Variants in KCNQ3 observed in about 807,000 individuals in gnomAD.
KCNQ3 encodes potassium voltage-gated channel subfamily KQT member 3.
KCNQ3 carries 30 observed loss-of-function variants against 92.5 expected under a neutral mutation model. That is an observed-to-expected ratio of 0.32 (90% CI 0.24 to 0.44). The LOEUF is 0.44. Ranked by LOEUF, KCNQ3 falls within the 20% of genes least tolerant of loss-of-function variation. The pLI is 1.00. For missense variants in KCNQ3, 913 were observed against 1,140.3 expected, an observed-to-expected ratio of 0.80 and a Z score of 2.87; for synonymous variants, 450 against 468.8, an observed-to-expected ratio of 0.96 and a Z score of 0.52.
At chr8:132,436,909 C>A (rs560761710) in intron 1 of KCNQ3, among the ~76,000 whole-genome samples, 1 of 152,096 alleles carries the variant, frequency 6.6e-6, no homozygotes, top group Admixed American at 6.6e-5. Context: ...TGTCTCTTGT[C>A]TTTGGCCTGC....
intron 1 of KCNQ3, among the ~76,000 whole-genome samples, chr8:132,343,024 A>T (rs1400841471): frequency 6.6e-6 from 1 of 152,216 alleles, no homozygotes; most frequent in Non-Finnish European, 1.5e-5. Context: ...GCTTTCCTGC[A>T]AGCTGATGCC....
intron 1 of KCNQ3, among the ~76,000 whole-genome samples, chr8:132,390,340 C>CCTCCCA (rs1820018835): frequency 6.6e-6 from 1 of 152,160 alleles, no homozygotes; most frequent in African/African-American, 2.4e-5. Context: ...TAGAAAGGGA[C>CCTCCCA]AGTGCAGCAC....
At chr8:132,156,945 T>C (rs1207167235) in intron 9 of KCNQ3, among the ~76,000 whole-genome samples, 2 of 152,094 alleles carry the variant, frequency 1.3e-5, no homozygotes, top group Admixed American at 6.6e-5. Context: ...ATTGGAGGAA[T>C]GGGTCGAAAA....
chr8:132,358,366 C>T (rs1001245090), intron 1 of KCNQ3, among the ~76,000 whole-genome samples: 2 of 152,216 alleles, frequency 1.3e-5, no homozygotes, highest in Admixed American at 6.5e-5. Context: ...CTGGGAGTCA[C>T]TGTGGCTCTA....
intron 5 of KCNQ3, 71 bp from the exon 6 acceptor site, chr8:132,174,420 T>G (rs2130128958): frequency 2.4e-3 from 2,603 of 1,076,070 alleles, no homozygotes; most frequent in Non-Finnish European, 3.3e-3. Flanking sequence ...AACTGAGCTC[T>G]ACCTGTAAGC....
In KCNQ3 at chr8:132,480,572, T is replaced by C; in HGVS notation, c.-40A>G. ...CCGGCCGCTTCGCCTTCTCCGCTGC[T>C]GCTCTGGGAAGAAGGGGCGCTCGGG... On this transcript the variant is annotated 5_prime_UTR_variant, in exon 1 of 15. Coordinates refer to ENST00000388996, the MANE Select transcript of KCNQ3 (RefSeq NM_004519.4). 1 of 1,252,928 alleles carries C rather than the reference T, an allele frequency of 8.0e-7. No homozygotes were observed. Among genetic ancestry groups the C allele is most frequent in the South Asian group, 1.5e-5 (1 of 65,290 alleles). 77.6% of individuals were successfully genotyped at this position (1,252,928 alleles called of 1,614,324 possible).
chr8:132,124,417 T>A lies in KCNQ3; in HGVS notation c.*4845A>T, dbSNP rs1004673503. The A allele has an allele frequency of 6.6e-6, 1 of 152,258 alleles. No individual in the cohort carries two copies. Among genetic ancestry groups the A allele is most frequent in the Admixed American group, 6.5e-5 (1 of 15,288 alleles). 9.4% of individuals were successfully genotyped at this position (152,258 alleles called of 1,614,324 possible). ...TTGTACTAGAGGCTTTGTGTGTACA[T>A]TGATTGTCTCACTTGAAAATCAAAA... On this transcript the variant is annotated 3_prime_UTR_variant, in exon 15 of 15. Coordinates refer to ENST00000388996, the MANE Select transcript of KCNQ3 (RefSeq NM_004519.4).
chr8:132,336,584 T>C (rs1252519126), intron 1 of KCNQ3, among the ~76,000 whole-genome samples: 1 of 152,144 alleles, frequency 6.6e-6, no homozygotes, highest in African/African-American at 2.4e-5. Flanking sequence ...GAGCCTGCCT[T>C]TGGGATCCAC....
intron 1 of KCNQ3, among the ~76,000 whole-genome samples, chr8:132,286,087 G>C (rs1268689259): frequency 6.6e-6 from 1 of 152,186 alleles, no homozygotes; most frequent in Non-Finnish European, 1.5e-5. Flanking sequence ...TGTGAACCCA[G>C]GCAAAAATTT....
chr8:132,357,665 C>T (rs1423258447), intron 1 of KCNQ3, among the ~76,000 whole-genome samples: 1 of 152,188 alleles, frequency 6.6e-6, no homozygotes, highest in African/African-American at 2.4e-5. Context: ...GTCCAGATCT[C>T]CAAAGTCACA....
At chr8:132,257,867 G>A (rs1230678553) in intron 1 of KCNQ3, among the ~76,000 whole-genome samples, 1 of 151,890 alleles carries the variant, frequency 6.6e-6, no homozygotes, top group Non-Finnish European at 1.5e-5. Flanking sequence ...GAGCTGGGGT[G>A]GCCATAATAA....
intron 4 of KCNQ3, among the ~76,000 whole-genome samples, chr8:132,179,096 A>AT (rs1232615381): frequency 2.0e-5 from 3 of 149,284 alleles, no homozygotes; most frequent in African/African-American, 5.0e-5. Context: ...TCCTCTCGGG[A>AT]TTTTTTTTCT....
rs986793640 is a variant in KCNQ3 at position 132,155,482 on chromosome 8, A to ATACT, written c.1262+7982_1262+7985dup. 2.6e-5 allele frequency among the ~76,000 whole-genome samples: 4 copies of ATACT among 152,170 alleles called. 1 individual carries two copies. Among genetic ancestry groups the ATACT allele is most frequent in the Admixed American group, 2.6e-4 (4 of 15,278 alleles). On this transcript the variant is annotated intron_variant, in intron 9 of 14. Coordinates refer to ENST00000388996, the MANE Select transcript of KCNQ3 (RefSeq NM_004519.4). The stretch of plus-strand genomic sequence containing the variant: ...GATAATAAAAGCAAACCTTTAAATA[A>ATACT]TACTTACCATGGGCCAGGCTCTATT...
At chr8:132,206,344 C>T (rs919380007) in intron 1 of KCNQ3, among the ~76,000 whole-genome samples, 1 of 152,196 alleles carries the variant, frequency 6.6e-6, no homozygotes, top group South Asian at 2.1e-4. Flanking sequence ...TTTGCATGTC[C>T]ACTGACAGAC....
chr8:132,413,260 C>T (rs950953114), intron 1 of KCNQ3, among the ~76,000 whole-genome samples: 1 of 152,232 alleles, frequency 6.6e-6, no homozygotes, highest in South Asian at 2.1e-4. Context: ...TTCCACAACC[C>T]AGCTCCTACC....
intron 1 of KCNQ3, among the ~76,000 whole-genome samples, chr8:132,252,300 G>C (rs1815439178): frequency 8.0e-6 from 1 of 125,704 alleles, no homozygotes; most frequent in Admixed American, 8.4e-5. Context: ...TGTGTCCGGA[G>C]TTTCTTCCTT....
chr8:132,224,158 C>A (rs1814331593), intron 1 of KCNQ3, among the ~76,000 whole-genome samples: 1 of 128,864 alleles, frequency 7.8e-6, no homozygotes, highest in Admixed American at 9.2e-5. Flanking sequence ...TGCTCTTGAA[C>A]TCCTGGCCTC....
chr8:132,304,857 T>G (rs1817366653), intron 1 of KCNQ3, among the ~76,000 whole-genome samples: 1 of 151,936 alleles, frequency 6.6e-6, no homozygotes, highest in African/African-American at 2.4e-5. Context: ...GTCATAATTC[T>G]CAAAGTGTGA....
Position 132,129,328 on chromosome 8 carries a change from C to T in KCNQ3, c.2553G>A (p.Met851Ile). The T allele has an allele frequency of 6.2e-7, 1 of 1,614,190 alleles. No homozygotes were observed. Among genetic ancestry groups the T allele is most frequent in the Non-Finnish European group, 8.5e-7 (1 of 1,180,040 alleles). ...DTDPFTPSGSMPLSSTGDGIS... is the reference protein window; with the variant it reads ...DTDPFTPSGSIPLSSTGDGIS... ...TCCCATCCCCTGTGGACGACAGAGG[C>T]ATGGAGCCGCTGGGCGTGAAGGGGT... Residue 851 changes from methionine to isoleucine, a missense_variant, in exon 15 of 15, where the codon ATG (methionine) becomes ATA (isoleucine). Physicochemically the swap from Met to Ile is conservative, Grantham distance 10. Transcript: ENST00000388996. This position sits in a 1 kb window ranked among gnomAD's most constrained non-coding sequence, Gnocchi z 5.9.
Sources: allele counts gnomAD v4.1 joint callset (sites outside exome capture counted in the v4.1 genomes callset), GRCh38; gene constraint gnomAD v4.1.1; non-coding constraint Gnocchi (gnomAD v3.1); transcripts MANE v1.5; gene names NCBI Gene and HGNC (gene_info 2026-07-23, HGNC 2026-07-21).